Variants in GRM7 observed in about 807,000 individuals in gnomAD.
The protein encoded by GRM7 is glutamate metabotropic receptor 7, also known as metabotropic glutamate receptor 7.
GRM7 carries 35 observed loss-of-function variants against 84.5 expected under a neutral mutation model. The ratio of observed to expected loss-of-function variants is 0.41; its 90% CI spans 0.32 to 0.55. The LOEUF (loss-of-function observed/expected upper bound fraction) is 0.55. Among genes scored for constraint, GRM7 ranks in the 20% least tolerant of loss-of-function variants. GRM7 has a pLI of 0.19. For synonymous variants in GRM7, 487 were observed against 455.1 expected (o/e 1.07, Z -0.89); for missense variants, 1,003 against 1,194.6 (o/e 0.84, Z 2.36).
chr3:7,699,872 T>C (rs1274287036), intron 9 of GRM7, among the ~76,000 whole-genome samples: 1 of 152,144 alleles, frequency 6.6e-6, no homozygotes, highest in Non-Finnish European at 1.5e-5. Flanking sequence ...GGAGAGCCAG[T>C]CTAGGGTCAG....
At chr3:7,186,237 A>AT (rs1187492065) in intron 2 of GRM7, among the ~76,000 whole-genome samples, 3 of 152,160 alleles carry the variant, frequency 2.0e-5, no homozygotes, top group Admixed American at 2.0e-4. Context: ...AGTTGCGTGT[A>AT]TTTTTTCTTT....
At chr3:7,477,215 T>G (rs971134404) in intron 7 of GRM7, among the ~76,000 whole-genome samples, 2 of 151,990 alleles carry the variant, frequency 1.3e-5, no homozygotes, top group African/African-American at 4.8e-5. Flanking sequence ...CTGGTGGAAT[T>G]TTTTTTTAAA....
At chr3:7,728,962 C>T (rs931925456) in intron 9 of GRM7, among the ~76,000 whole-genome samples, 1 of 152,128 alleles carries the variant, frequency 6.6e-6, no homozygotes, top group African/African-American at 2.4e-5. Flanking sequence ...GTAATTGGCA[C>T]CTCCTACCTA....
chr3:7,165,280 C>G (rs562870158), intron 2 of GRM7, among the ~76,000 whole-genome samples: 1 of 152,174 alleles, frequency 6.6e-6, no homozygotes, highest in Non-Finnish European at 1.5e-5. Flanking sequence ...GTATACAGTA[C>G]AGGACAATCA....
intron 4 of GRM7, among the ~76,000 whole-genome samples, chr3:7,319,437 T>G (rs1575162503): frequency 6.6e-6 from 1 of 152,146 alleles, no homozygotes; most frequent in Non-Finnish European, 1.5e-5. Context: ...TGATGGAGAT[T>G]TTGGCAGGAA....
intron 4 of GRM7, among the ~76,000 whole-genome samples, chr3:7,310,281 A>AGCTT (rs112191273): frequency 0.17 from 26,078 of 152,050 alleles, 6,600 homozygotes; most frequent in African/African-American, 0.55. Context: ...ACTGTAGAAC[A>AGCTT]GCTTGGTTCA....
intron 1 of GRM7, among the ~76,000 whole-genome samples, chr3:7,098,732 A>G (rs1471171581): frequency 2.6e-5 from 4 of 152,036 alleles, no homozygotes; most frequent in African/African-American, 7.2e-5. Context: ...ATGATGGATA[A>G]TAACCATATG....
intron 4 of GRM7, among the ~76,000 whole-genome samples, chr3:7,395,671 T>G (rs1290186219): frequency 6.6e-6 from 1 of 152,186 alleles, no homozygotes; most frequent in Non-Finnish European, 1.5e-5. Flanking sequence ...TCACAAGCTC[T>G]CTTGCCTGCT....
At chr3:7,415,381 A>G (rs1400540218) in intron 5 of GRM7, among the ~76,000 whole-genome samples, 2 of 152,154 alleles carry the variant, frequency 1.3e-5, no homozygotes, top group Non-Finnish European at 2.9e-5. Context: ...AGTAATTGAC[A>G]TTTTCAGTGA....
chr3:7,202,819 C>G (rs886178682), intron 2 of GRM7, among the ~76,000 whole-genome samples: 2 of 152,178 alleles, frequency 1.3e-5, no homozygotes, highest in African/African-American at 2.4e-5. Context: ...CTTTGAGCCT[C>G]TACATTTACC....
intron 5 of GRM7, among the ~76,000 whole-genome samples, chr3:7,439,133 G>A (rs138545324): frequency 6.6e-6 from 1 of 152,262 alleles, no homozygotes; most frequent in East Asian, 1.9e-4. Flanking sequence ...AAGGAGGGAC[G>A]TGAACACTGT....
intron 1 of GRM7, among the ~76,000 whole-genome samples, chr3:7,015,481 G>T (rs373203846): frequency 6.6e-6 from 1 of 152,270 alleles, no homozygotes; most frequent in Admixed American, 6.5e-5. Flanking sequence ...AGTAAATAAC[G>T]CACTAGTCAT....
At chr3:6,958,508 G>A (rs908623611) in intron 1 of GRM7, among the ~76,000 whole-genome samples, 2 of 152,010 alleles carry the variant, frequency 1.3e-5, no homozygotes, top group Non-Finnish European at 1.5e-5. Context: ...GTATTTGTGT[G>A]GATGTTATTC....
intron 1 of GRM7, among the ~76,000 whole-genome samples, chr3:7,087,236 T>C (rs1347691646): frequency 6.6e-6 from 1 of 152,226 alleles, no homozygotes; most frequent in Non-Finnish European, 1.5e-5. Flanking sequence ...CCTGGAATAT[T>C]AAACTTTGTG....
At chr3:7,191,313 T>G (rs1317552361) in intron 2 of GRM7, among the ~76,000 whole-genome samples, 2 of 152,080 alleles carry the variant, frequency 1.3e-5, no homozygotes, top group Non-Finnish European at 2.9e-5. Flanking sequence ...ACAATTCCTT[T>G]ATACCGAGAC....
intron 6 of GRM7, among the ~76,000 whole-genome samples, chr3:7,456,974 A>T (rs747923663): frequency 6.6e-6 from 1 of 152,186 alleles, no homozygotes; most frequent in African/African-American, 2.4e-5. Flanking sequence ...AAAAAATCAA[A>T]TCCTAGAGAA....
chr3:7,395,703 C>A (rs1038579300), intron 4 of GRM7, among the ~76,000 whole-genome samples: 1 of 152,162 alleles, frequency 6.6e-6, no homozygotes, highest in African/African-American at 2.4e-5. Context: ...TATGACTTTG[C>A]TTCTTATTCG....
intron 1 of GRM7, among the ~76,000 whole-genome samples, chr3:7,076,778 A>G (rs944400883): frequency 6.6e-6 from 1 of 152,202 alleles, no homozygotes; most frequent in Non-Finnish European, 1.5e-5. Flanking sequence ...AGAAACTATC[A>G]TCAGAGTGAA....
At chr3:7,164,294 G>T (rs376247313) in intron 2 of GRM7, among the ~76,000 whole-genome samples, 1 of 152,316 alleles carries the variant, frequency 6.6e-6, no homozygotes, top group East Asian at 1.9e-4. Context: ...AGGAGGCAGA[G>T]GTTGCAGTGA....
Sources: allele counts gnomAD v4.1 joint callset (sites outside exome capture counted in the v4.1 genomes callset), GRCh38; gene constraint gnomAD v4.1.1; transcripts MANE v1.5; gene names NCBI Gene and HGNC (gene_info 2026-07-23, HGNC 2026-07-21).